The following BBX variants were observed in gnomAD, a reference collection of about 807,000 sequenced individuals.
BBX encodes the protein BBX high mobility group box domain containing, also known as HMG box transcription factor BBX.
BBX carries 30 observed loss-of-function variants against 100.2 expected under a neutral mutation model. The ratio of observed to expected loss-of-function variants is 0.30; its 90% CI spans 0.22 to 0.41. The LOEUF is 0.41. Ranked by LOEUF, BBX falls within the 10% of genes least tolerant of loss-of-function variation. The probability of loss-of-function intolerance (pLI) is 1.00; values close to 1 mark genes in which losing one functional copy is unlikely to be tolerated. For missense variants in BBX, 1,023 were observed against 1,129.8 expected, an observed-to-expected ratio of 0.91 and a Z score of 1.35; for synonymous variants, 376 against 388.1, an observed-to-expected ratio of 0.97 and a Z score of 0.37.
At chr3:107,680,483 G>A (rs1322472761) in intron 3 of BBX, among the ~76,000 whole-genome samples, 2 of 152,120 alleles carry the variant, frequency 1.3e-5, no homozygotes, top group Admixed American at 1.3e-4. Context: ...TTGAAGAGGT[G>A]ACAGAGCCAA....
intron 10 of BBX, among the ~76,000 whole-genome samples, chr3:107,761,204 T>C (rs1295302582): frequency 6.6e-6 from 1 of 152,012 alleles, no homozygotes; most frequent in Non-Finnish European, 1.5e-5. Context: ...AGGAGAAAGG[T>C]AGATGGTAAC....
intron 15 of BBX, among the ~76,000 whole-genome samples, chr3:107,795,981 C>T (rs1162635931): frequency 2.0e-5 from 3 of 152,202 alleles, no homozygotes; most frequent in Non-Finnish European, 1.5e-5. Flanking sequence ...CAGCCTATGA[C>T]TCTGGAGCTG....
chr3:107,562,942 C>T (rs1337180598), intron 2 of BBX, among the ~76,000 whole-genome samples: 1 of 152,180 alleles, frequency 6.6e-6, no homozygotes, highest in Non-Finnish European at 1.5e-5. Flanking sequence ...TCTTTTTCCC[C>T]TCCAAAATAT....
At chr3:107,693,162 G>T (rs1177583821) in intron 3 of BBX, among the ~76,000 whole-genome samples, 1 of 150,466 alleles carries the variant, frequency 6.6e-6, no homozygotes, top group African/African-American at 2.5e-5. Context: ...TGTTCACTCT[G>T]ATGGTAGTTT....
At chr3:107,649,891 GATGGTCAAAAGTTCATATACTTT>G (rs2057739016) in intron 3 of BBX, among the ~76,000 whole-genome samples, 1 of 152,186 alleles carries the variant, frequency 6.6e-6, no homozygotes, top group South Asian at 2.1e-4. Flanking sequence ...AGGACAGAGT[GATGGTCAAAAGTTCATATACTTT>G]ATGGCTTTTA....
At chr3:107,539,801 A>G (rs759920954) in intron 2 of BBX, among the ~76,000 whole-genome samples, 88 of 152,282 alleles carry the variant, frequency 5.8e-4, no homozygotes, top group Middle Eastern at 6.8e-3. Context: ...TATCCTGTTC[A>G]TGTTTTTGGT....
At chr3:107,533,879 C>G (rs1320709571) in intron 2 of BBX, among the ~76,000 whole-genome samples, 1 of 151,968 alleles carries the variant, frequency 6.6e-6, no homozygotes, top group Non-Finnish European at 1.5e-5. Flanking sequence ...GTAATTTAGT[C>G]TGTTCTCAGA....
chr3:107,711,430 G>T, intron 4 of BBX: 1 of 415,358 alleles, frequency 2.4e-6, no homozygotes, highest in South Asian at 1.7e-5. Flanking sequence ...GTGTCACTAC[G>T]AATTTTATAA....
At position 107,662,785 on chromosome 3, in the gene BBX, G is replaced by A. The variant is rs376292654; in HGVS notation, c.-10+16876G>A. On this transcript the variant is annotated intron_variant, in intron 3 of 17. Transcript: ENST00000325805. Reference sequence around the variant, plus strand: ...ATCCCAGCTGTACTAGCTTTTAAACGTTGGGCAATCTACTTCACAATGCTG... The same window carrying A: ...ATCCCAGCTGTACTAGCTTTTAAACATTGGGCAATCTACTTCACAATGCTG... The A allele has an allele frequency of 4.6e-5, 7 of 151,882 alleles. No individual in the cohort carries two copies. The South Asian group carries it at 1.5e-3, about 32-fold the overall frequency. The allele number at this position is 151,882 out of a possible 1,614,324, so 9.4% of individuals were successfully genotyped here.
chr3:107,714,791 G>C (rs773123323), intron 4 of BBX, among the ~76,000 whole-genome samples: 1 of 151,820 alleles, frequency 6.6e-6, no homozygotes, highest in African/African-American at 2.4e-5. Flanking sequence ...AACGGCAAAA[G>C]ACTTTTTTTT....
intron 17 of BBX, among the ~76,000 whole-genome samples, chr3:107,802,978 A>G (rs778985853): frequency 2.0e-5 from 3 of 152,122 alleles, no homozygotes; most frequent in Non-Finnish European, 2.9e-5. Flanking sequence ...CCTCTCTCAG[A>G]CCACATTGGG....
At chr3:107,545,404 G>C (rs2049159842) in intron 2 of BBX, among the ~76,000 whole-genome samples, 1 of 152,068 alleles carries the variant, frequency 6.6e-6, no homozygotes, top group South Asian at 2.1e-4. Flanking sequence ...TTAAGAGAAT[G>C]AAAGAAAAAA....
chr3:107,686,569 G>A (rs919663592), intron 3 of BBX, among the ~76,000 whole-genome samples: 1 of 152,058 alleles, frequency 6.6e-6, no homozygotes, highest in African/African-American at 2.4e-5. Flanking sequence ...CAATAATTTA[G>A]CACTTTTAAT....
intron 15 of BBX, among the ~76,000 whole-genome samples, chr3:107,797,899 C>T (rs774108517): frequency 4.6e-5 from 7 of 152,190 alleles, no homozygotes; most frequent in Non-Finnish European, 8.8e-5. Flanking sequence ...AATTATCTCA[C>T]TAAGTGTATT....
chr3:107,744,806 A>G, intron 8 of BBX, 96 bp downstream of exon 8: 4 of 974,182 alleles, frequency 4.1e-6, no homozygotes, highest in South Asian at 2.8e-5. Flanking sequence ...GAAGAACTCT[A>G]CTCAGCTCAA....
intron 3 of BBX, among the ~76,000 whole-genome samples, chr3:107,672,096 AC>A (rs2107925638): frequency 6.6e-6 from 1 of 152,214 alleles, no homozygotes; most frequent in South Asian, 2.1e-4. Flanking sequence ...CTGTTTCATA[AC>A]TTTCTAATGA....
chr3:107,762,200 G>T (rs2065952139), intron 10 of BBX, among the ~76,000 whole-genome samples: 1 of 152,072 alleles, frequency 6.6e-6, no homozygotes, highest in South Asian at 2.1e-4. Context: ...AACCTCTTTG[G>T]GGGAAGACTT....
At chr3:107,803,766 C>A (rs2070774287) in intron 17 of BBX, among the ~76,000 whole-genome samples, 1 of 152,112 alleles carries the variant, frequency 6.6e-6, no homozygotes, top group Admixed American at 6.5e-5. Flanking sequence ...TCAGTCATGT[C>A]AGAGAAAATC....
intron 10 of BBX, among the ~76,000 whole-genome samples, chr3:107,765,633 G>A (rs543245276): frequency 2.0e-4 from 30 of 152,258 alleles, no homozygotes; most frequent in African/African-American, 6.5e-4. Flanking sequence ...TTTTGAAACT[G>A]CCTTCCAGTA....
Sources: gnomAD v4.1 joint callset for allele counts (sites outside exome capture counted in the v4.1 genomes callset) on GRCh38, gnomAD v4.1.1 for gene constraint, MANE v1.5 for transcripts, NCBI Gene and HGNC (gene_info 2026-07-23, HGNC 2026-07-21) for gene names.